Variants in SYT13 observed in about 807,000 individuals in gnomAD.
The protein encoded by SYT13 is synaptotagmin 13.
A neutral mutation model predicts 38.6 loss-of-function variants in SYT13; 21 were observed. That is an observed-to-expected ratio of 0.54 (90% CI 0.39 to 0.78). The LOEUF is 0.78. Ranked by LOEUF, SYT13 falls within the 30% of genes least tolerant of loss-of-function variation. The pLI, the probability that SYT13 is intolerant of heterozygous loss-of-function variation, is 0.00. For missense variants in SYT13, 495 were observed against 548.7 expected, an observed-to-expected ratio of 0.90 and a Z score of 0.98; for synonymous variants, 241 against 237.6, an observed-to-expected ratio of 1.01 and a Z score of -0.13.
chr11:45,286,209 G>A lies in SYT13; in HGVS notation c.-2C>T. 1 of 1,548,890 alleles carries A rather than the reference G, an allele frequency of 6.5e-7. No homozygotes were observed. The highest frequency in any genetic ancestry group is 8.7e-7 in the Non-Finnish European group (1 of 1,149,992). Reference sequence around the variant, plus strand: ...GATCACAGGCACCGACAGCACCATGGTGCCCGCTCCCGGCGAGGGGCTGGG... The same window carrying A: ...GATCACAGGCACCGACAGCACCATGATGCCCGCTCCCGGCGAGGGGCTGGG... On this transcript the variant is annotated 5_prime_UTR_variant, in exon 1 of 6. Coordinates refer to ENST00000020926, the MANE Select transcript of SYT13 (RefSeq NM_020826.3).
intron 1 of SYT13, among the ~76,000 whole-genome samples, chr11:45,283,791 C>T (rs959720914): frequency 6.6e-6 from 1 of 152,158 alleles, no homozygotes; most frequent in African/African-American, 2.4e-5. Context: ...TGATAATCCC[C>T]ATTGGATGAC....
chr11:45,256,377 T>C (rs1854747621), intron 1 of SYT13, among the ~76,000 whole-genome samples: 1 of 152,134 alleles, frequency 6.6e-6, no homozygotes, highest in Non-Finnish European at 1.5e-5. Context: ...TCATCTCCAG[T>C]CACTGAGCTC....
intron 1 of SYT13, among the ~76,000 whole-genome samples, chr11:45,264,274 G>A (rs1185979926): frequency 6.6e-6 from 1 of 152,130 alleles, no homozygotes. Context: ...TGGTGTCCAC[G>A]CCCTTGTATA....
chr11:45,285,670 C>T (rs1458501697), intron 1 of SYT13, among the ~76,000 whole-genome samples: 1 of 152,072 alleles, frequency 6.6e-6, no homozygotes, highest in South Asian at 2.1e-4. Flanking sequence ...CTAACCCTGG[C>T]GATTCCCCTC....
At chr11:45,267,681 G>A (rs1854901880) in intron 1 of SYT13, among the ~76,000 whole-genome samples, 1 of 152,070 alleles carries the variant, frequency 6.6e-6, no homozygotes, top group Non-Finnish European at 1.5e-5. Context: ...CCATCTCCTA[G>A]GAAGCTGCCA....
intron 1 of SYT13, among the ~76,000 whole-genome samples, chr11:45,274,338 G>C (rs548612654): frequency 2.4e-4 from 37 of 152,152 alleles, no homozygotes; most frequent in Non-Finnish European, 5.0e-4. Context: ...GTTTTGCAAA[G>C]GGTGATAGTC....
Position 45,243,862 on chromosome 11 carries a change from C to A in SYT13, c.*190G>T. ...GAGCAAAATGCATTCCTCAGTGTGA[C>A]CCGCATATTCCATTTCCTGCTCTGT... On this transcript the variant is annotated 3_prime_UTR_variant, in exon 6 of 6. Coordinates refer to ENST00000020926, the MANE Select transcript of SYT13 (RefSeq NM_020826.3). 1.6e-6 allele frequency: 1 copy of A among 618,658 alleles called. No individual in the cohort carries two copies. 38.3% of individuals were successfully genotyped at this position (618,658 alleles called of 1,614,324 possible).
At chr11:45,246,355 C>T (rs1331692092) in intron 5 of SYT13, 28 bp downstream of exon 5, 6 of 1,611,448 alleles carry the variant, frequency 3.7e-6, no homozygotes, top group South Asian at 2.2e-5. Context: ...CTGGAGGGGC[C>T]TTGGCCATCC....
chr11:45,255,967 G>A, intron 1 of SYT13, 76 bp from the exon 2 acceptor site: 1 of 1,460,594 alleles, frequency 6.8e-7, no homozygotes, highest in Non-Finnish European at 9.5e-7. Flanking sequence ...GGGAGAAACG[G>A]TGAACTGACC....
intron 1 of SYT13, among the ~76,000 whole-genome samples, chr11:45,257,468 A>G (rs886416653): frequency 6.6e-6 from 1 of 152,070 alleles, no homozygotes; most frequent in Admixed American, 6.5e-5. Context: ...TCCCATCTCC[A>G]TGGCTGAAGC....
At chr11:45,279,778 C>T (rs367564931) in intron 1 of SYT13, among the ~76,000 whole-genome samples, 1 of 152,124 alleles carries the variant, frequency 6.6e-6, no homozygotes, top group East Asian at 1.9e-4. Context: ...GAAAATGAGT[C>T]CTGTAAAAGT....
At chr11:45,244,654 T>C (rs1433722796) in intron 5 of SYT13, among the ~76,000 whole-genome samples, 2 of 152,156 alleles carry the variant, frequency 1.3e-5, no homozygotes, top group East Asian at 1.9e-4. Flanking sequence ...TTTCCTTGCA[T>C]TGGGGATTAT....
At chr11:45,267,197 G>A (rs1854893882) in intron 1 of SYT13, among the ~76,000 whole-genome samples, 2 of 152,314 alleles carry the variant, frequency 1.3e-5, no homozygotes, top group African/African-American at 2.4e-5. Flanking sequence ...TTCAGACCCA[G>A]GCTGACTCGC....
Position 45,244,116 on chromosome 11 carries a change from T to C in SYT13, c.1217A>G (p.His406Arg). Reference protein sequence around the residue: ...GLHTSGSERSHWEEMLKNPRR... With the variant: ...GLHTSGSERSRWEEMLKNPRR... ...AGGGTTTTTGAGCATCTCCTCCCAG[T>C]GGCTGCGCTCAGAGCCCGAGGTGTG... Residue 406 changes from histidine (H) to arginine (R), a missense_variant, in exon 6 of 6, where the codon CAC becomes CGC. Physicochemically the swap from His to Arg is conservative, Grantham distance 29. Coordinates refer to ENST00000020926, the MANE Select transcript of SYT13 (RefSeq NM_020826.3). The C allele has an allele frequency of 6.2e-7, 1 of 1,612,652 alleles. No individual in the cohort carries two copies. The highest frequency in any genetic ancestry group is 8.5e-7 in the Non-Finnish European group (1 of 1,179,646).
chr11:45,240,378 C>A lies in SYT13; in HGVS notation c.*3674G>T, dbSNP rs951669002. 6.6e-6 allele frequency: 1 copy of A among 152,654 alleles called. No individual in the cohort carries two copies. The highest frequency in any genetic ancestry group is 1.5e-5 in the Non-Finnish European group (1 of 68,052). The allele number at this position is 152,654 out of a possible 1,614,324, so 9.5% of individuals were successfully genotyped here. On this transcript the variant is annotated 3_prime_UTR_variant, in exon 6 of 6. Transcript: ENST00000020926. ...CACACCAGACATATGACTACAATGT[C>A]TCATGCATCTTTTTGTGCTTTAGTT...
chr11:45,259,065 T>C (rs1409922966), intron 1 of SYT13, among the ~76,000 whole-genome samples: 1 of 152,184 alleles, frequency 6.6e-6, no homozygotes, highest in Non-Finnish European at 1.5e-5. Context: ...CAGCTGCTTC[T>C]CAACACCACC....
At chr11:45,254,065 T>A (rs1854712185) in intron 3 of SYT13, 3 of 467,090 alleles carry the variant, frequency 6.4e-6, no homozygotes. Context: ...GAAAAAACGT[T>A]TGTCAACCAG....
intron 5 of SYT13, among the ~76,000 whole-genome samples, chr11:45,245,659 C>T (rs1194878552): frequency 5.3e-5 from 8 of 152,222 alleles, no homozygotes; most frequent in Non-Finnish European, 1.2e-4. Context: ...AGGATGCTTT[C>T]CTGCTCATAT....
chr11:45,245,691 C>T (rs16938194), intron 5 of SYT13, among the ~76,000 whole-genome samples: 3,913 of 152,270 alleles, frequency 0.026, 149 homozygotes, highest in African/African-American at 0.083. Context: ...TTTTGGTCTC[C>T]GAGATGCTGG....
Sources: gnomAD v4.1 joint callset for allele counts (sites outside exome capture counted in the v4.1 genomes callset) on GRCh38, gnomAD v4.1.1 for gene constraint, MANE v1.5 for transcripts, NCBI Gene and HGNC (gene_info 2026-07-23, HGNC 2026-07-21) for gene names.